Variants in DENND2B observed in about 807,000 individuals in gnomAD.
DENND2B encodes the protein DENN domain containing 2B.
A neutral mutation model predicts 116.0 loss-of-function variants in DENND2B; 32 were observed. The ratio of observed to expected loss-of-function variants is 0.28; its 90% confidence interval spans 0.21 to 0.37. The LOEUF (loss-of-function observed/expected upper bound fraction) is 0.37. Ranked by LOEUF, DENND2B falls within the 10% of genes least tolerant of loss-of-function variation. The probability of loss-of-function intolerance (pLI) is 1.00; values close to 1 mark genes in which losing one functional copy is unlikely to be tolerated. For missense variants in DENND2B, 1,276 were observed against 1,477.7 expected (o/e 0.86, Z 2.24); for synonymous variants, 588 against 583.9 (o/e 1.01, Z -0.10).
intron 3 of DENND2B, among the ~76,000 whole-genome samples, chr11:8,729,486 T>C (rs1312942522): frequency 1.3e-5 from 2 of 152,222 alleles, no homozygotes; most frequent in African/African-American, 2.4e-5. Flanking sequence ...TGTGTTAAAT[T>C]TGCCGACACT....
intron 1 of DENND2B, among the ~76,000 whole-genome samples, chr11:8,774,986 T>G (rs562351745): frequency 6.6e-6 from 1 of 152,140 alleles, no homozygotes; most frequent in East Asian, 1.9e-4. Context: ...GTTCATGAGA[T>G]TCTCCCACCT....
intron 1 of DENND2B, among the ~76,000 whole-genome samples, chr11:8,758,930 G>A (rs1260432770): frequency 1.3e-5 from 2 of 152,196 alleles, no homozygotes; most frequent in Admixed American, 6.5e-5. Flanking sequence ...GGCAGGAGCA[G>A]TGCAGGGCAC....
intron 1 of DENND2B, among the ~76,000 whole-genome samples, chr11:8,751,577 G>A (rs1258578253): frequency 2.7e-5 from 4 of 148,612 alleles, no homozygotes; most frequent in African/African-American, 1.0e-4. Flanking sequence ...CCTACCAGAA[G>A]GAAAAAACTC....
At position 8,733,968 on chromosome 11, in the gene DENND2B, G is replaced by A. The variant is rs916504962; in HGVS notation, c.81-2759C>T. ...GCTGACCTGGGACCCACGGCTTCAC[G>A]TGCTACCCTTGCCCCAGCCTCCCCA... On this transcript the variant is annotated intron_variant, in intron 2 of 19. Coordinates refer to ENST00000313726, the MANE Select transcript of DENND2B (RefSeq NM_213618.2). Among the ~76,000 whole-genome samples the A allele has an allele frequency of 5.9e-5, 9 of 152,092 alleles. No individual in the cohort carries two copies. The South Asian group carries it at 6.2e-4, about 11-fold the overall frequency.
chr11:8,861,449 T>C (rs2063386881), intron 2 of DENND2B, among the ~76,000 whole-genome samples: 1 of 152,082 alleles, frequency 6.6e-6, no homozygotes, highest in African/African-American at 2.4e-5. Flanking sequence ...TAACAAATCA[T>C]CAGGGAGATG....
intron 1 of DENND2B, among the ~76,000 whole-genome samples, chr11:8,768,364 A>T (rs2056262399): frequency 6.6e-6 from 1 of 152,106 alleles, no homozygotes; most frequent in Non-Finnish European, 1.5e-5. Context: ...CTCTTGCCTC[A>T]GCCTCCAGAG....
chr11:8,795,458 A>G (rs906139484), intron 1 of DENND2B, among the ~76,000 whole-genome samples: 1 of 152,140 alleles, frequency 6.6e-6, no homozygotes, highest in African/African-American at 2.4e-5. Flanking sequence ...TTACTAAAAA[A>G]TTTCTACTAA....
At chr11:8,781,188 A>G (rs765961336) in intron 1 of DENND2B, among the ~76,000 whole-genome samples, 1 of 152,210 alleles carries the variant, frequency 6.6e-6, no homozygotes, top group Non-Finnish European at 1.5e-5. Context: ...TCAAATCCTA[A>G]TTATGCCAAA....
At chr11:8,787,188 GAC>G (rs1013038771) in intron 1 of DENND2B, 3 of 152,166 alleles carry the variant, frequency 2.0e-5, no homozygotes, top group Non-Finnish European at 4.4e-5. Context: ...ACTGCAGCCA[GAC>G]ACATCAATTT....
Position 8,712,815 on chromosome 11 carries a change from T to A in DENND2B, c.1988-80A>T. On this transcript the variant is annotated intron_variant, in intron 8 of 19. Coordinates refer to ENST00000313726, the MANE Select transcript of DENND2B (RefSeq NM_213618.2). The surrounding 1 kb of genome is among the most constrained non-coding windows in gnomAD (Gnocchi z 4.4). ...CTCTACCCCTGGCTCAGGGCTCCATTGCTGTGGAGCACTTTTAAGTACGTG... is the reference window on the plus strand; with the variant it reads ...CTCTACCCCTGGCTCAGGGCTCCATAGCTGTGGAGCACTTTTAAGTACGTG... The A allele has an allele frequency of 7.0e-7, 1 of 1,418,546 alleles. No homozygotes were observed. The highest frequency in any genetic ancestry group is 9.5e-7 in the Non-Finnish European group (1 of 1,056,888). 87.9% of individuals were successfully genotyped at this position (1,418,546 alleles called of 1,614,324 possible).
chr11:8,826,404 G>A (rs955996480), intron 4 of DENND2B, among the ~76,000 whole-genome samples: 5 of 152,256 alleles, frequency 3.3e-5, no homozygotes, highest in Admixed American at 2.6e-4. Context: ...ATACTAAGCT[G>A]TCATCTGATA....
rs753039952 is a variant in DENND2B at position 8,694,046 on chromosome 11, C to A, written c.*50G>T. The A allele has an allele frequency of 3.1e-6, 5 of 1,610,590 alleles. No homozygotes were observed. The South Asian group carries it at 5.5e-5, about 18-fold the overall frequency. On this transcript the variant is annotated 3_prime_UTR_variant, in exon 20 of 20. Coordinates refer to ENST00000313726, the MANE Select transcript of DENND2B (RefSeq NM_213618.2). ...GAGGGTCCCAGGCTGGGCCTTCTCCCCAGGCTTCAGGCTCTGCAAGGCACT... is the reference window on the plus strand; with the variant it reads ...GAGGGTCCCAGGCTGGGCCTTCTCCACAGGCTTCAGGCTCTGCAAGGCACT...
chr11:8,843,308 G>T (rs747287807), intron 3 of DENND2B, among the ~76,000 whole-genome samples: 1 of 151,974 alleles, frequency 6.6e-6, no homozygotes, highest in Non-Finnish European at 1.5e-5. Context: ...GTGCCCGGCC[G>T]GAGTCACTCG....
In DENND2B at chr11:8,702,812, T is replaced by C; in HGVS notation, c.2572-92A>G. On this transcript the variant is annotated intron_variant, in intron 13 of 19. Coordinates refer to ENST00000313726, the MANE Select transcript of DENND2B (RefSeq NM_213618.2). The surrounding 1 kb of genome is among the most constrained non-coding windows in gnomAD (Gnocchi z 4.6). ...GAAGCAACTGGAGCTGCTTTCCCCT[T>C]CCAACCTGCTCTTTTCCAGGTCTCT... The C allele has an allele frequency of 6.7e-7, 1 of 1,492,198 alleles. No homozygotes were observed. Among genetic ancestry groups the C allele is most frequent in the Non-Finnish European group, 9.1e-7 (1 of 1,103,536 alleles). 92.4% of individuals were successfully genotyped at this position (1,492,198 alleles called of 1,614,324 possible). A position where few individuals can be genotyped will look rare whatever the true frequency, so the allele number is the denominator to read the frequency against.
chr11:8,764,748 C>A (rs1347367433), intron 1 of DENND2B, among the ~76,000 whole-genome samples: 2 of 152,064 alleles, frequency 1.3e-5, no homozygotes, highest in Non-Finnish European at 2.9e-5. Context: ...AGTTCAAGAC[C>A]AGCCTGACCA....
chr11:8,817,645 G>T (rs527390347), intron 4 of DENND2B, among the ~76,000 whole-genome samples: 1 of 152,100 alleles, frequency 6.6e-6, no homozygotes, highest in African/African-American at 2.4e-5. Flanking sequence ...GCTAGGTTGC[G>T]CCCCCTCTCC....
intron 1 of DENND2B, among the ~76,000 whole-genome samples, chr11:8,893,200 T>C (rs2064055846): frequency 1.3e-5 from 2 of 152,110 alleles, no homozygotes; most frequent in South Asian, 2.1e-4. Flanking sequence ...TTCAACAGCC[T>C]TTCATGCTAA....
chr11:8,774,090 A>T, intron 1 of DENND2B: 1 of 984,780 alleles, frequency 1.0e-6, no homozygotes, highest in Non-Finnish European at 1.2e-6. Context: ...TGTTGTACAG[A>T]TTGAGTAAGA....
chr11:8,869,801 C>CA (rs1236475385), intron 2 of DENND2B, among the ~76,000 whole-genome samples: 1 of 152,156 alleles, frequency 6.6e-6, no homozygotes, highest in East Asian at 1.9e-4. Context: ...TCAACAGGCT[C>CA]TTCTTGAGTT....
Sources: allele counts gnomAD v4.1 joint callset (sites outside exome capture counted in the v4.1 genomes callset), GRCh38; gene constraint gnomAD v4.1.1; non-coding constraint Gnocchi (gnomAD v3.1); transcripts MANE v1.5; gene names NCBI Gene and HGNC (gene_info 2026-07-23, HGNC 2026-07-21).